RAMP1: variants seen among roughly 807,000 people sequenced by gnomAD.
RAMP1 encodes receptor activity-modifying protein 1.
Under a neutral mutation model 8.2 loss-of-function variants are expected in RAMP1, and 7 were observed. The ratio of observed to expected loss-of-function variants is 0.85; its 90% CI spans 0.49 to 1.60. The LOEUF (loss-of-function observed/expected upper bound fraction) is 1.60, where lower values mean the gene tolerates loss of function less well. Among genes scored for constraint, RAMP1 ranks in the 40% most tolerant of loss-of-function variants. RAMP1 has a pLI of 0.00. For synonymous variants in RAMP1, 92 were observed against 84.7 expected, an observed-to-expected ratio of 1.09 and a Z score of -0.47; for missense variants, 192 against 202.4, an observed-to-expected ratio of 0.95 and a Z score of 0.31.
chr2:237,905,036 T>C (rs925192206), intron 2 of RAMP1, among the ~76,000 whole-genome samples: 11 of 152,142 alleles, frequency 7.2e-5, no homozygotes, highest in African/African-American at 2.7e-4. Flanking sequence ...GGGCCTTGAC[T>C]TGGGACCCAG....
chr2:237,888,194 C>G (rs1451148773), intron 2 of RAMP1, among the ~76,000 whole-genome samples: 1 of 152,062 alleles, frequency 6.6e-6, no homozygotes, highest in Non-Finnish European at 1.5e-5. Flanking sequence ...GCTGGGATTA[C>G]AGGTGCCTGC....
intron 2 of RAMP1, among the ~76,000 whole-genome samples, chr2:237,905,103 G>A (rs1345038568): frequency 1.3e-5 from 2 of 152,196 alleles, no homozygotes; most frequent in Non-Finnish European, 2.9e-5. Flanking sequence ...AGTTTGCTTC[G>A]AGCCCCAGAA....
intron 2 of RAMP1, among the ~76,000 whole-genome samples, chr2:237,889,947 G>C (rs1053395652): frequency 6.6e-6 from 1 of 152,064 alleles, no homozygotes; most frequent in Admixed American, 6.6e-5. Flanking sequence ...CGAATAGTAG[G>C]AAAACTACCA....
rs1350322042 is a variant in RAMP1, at chr2:237,862,468, A to C, written c.52+2741A>C. The stretch of plus-strand genomic sequence containing the variant: ...TTTATATCCACAGTGCAAATGGTAG[A>C]TTCAGCTCCGGGAAATGTTTTAGGT... On this transcript the variant is annotated intron_variant, in intron 1 of 2. Coordinates refer to ENST00000254661, the MANE Select transcript of RAMP1 (RefSeq NM_005855.4). The surrounding 1 kb of genome is among the most constrained non-coding windows in gnomAD (Gnocchi z 4.0). Among the ~76,000 whole-genome samples, 1 of 152,204 alleles carries C rather than the reference A, an allele frequency of 6.6e-6. No individual in the cohort carries two copies. Among genetic ancestry groups the C allele is most frequent in the African/African-American group, 2.4e-5 (1 of 41,446 alleles).
chr2:237,861,595 C>A (rs1344067267), intron 1 of RAMP1, among the ~76,000 whole-genome samples: 3 of 152,130 alleles, frequency 2.0e-5, no homozygotes, highest in African/African-American at 7.2e-5. Flanking sequence ...CGCCTGTAAT[C>A]CCAGCACTTT....
intron 1 of RAMP1, among the ~76,000 whole-genome samples, chr2:237,867,739 T>TG (rs1173703316): frequency 6.6e-6 from 1 of 152,108 alleles, no homozygotes; most frequent in Non-Finnish European, 1.5e-5. Flanking sequence ...CAGTCTCAGG[T>TG]GTCTGTTGGC....
At chr2:237,883,336 G>C (rs1192387054) in intron 2 of RAMP1, among the ~76,000 whole-genome samples, 1 of 151,356 alleles carries the variant, frequency 6.6e-6, no homozygotes, top group Non-Finnish European at 1.5e-5. Flanking sequence ...GAGCGACGTA[G>C]ACAAAGGCGG....
rs1353376273 is a variant in RAMP1, at chr2:237,911,778, G to A, written c.442G>A (p.Val148Met). ...VWQSKRTEGIV is the reference protein window; with the variant it reads ...VWQSKRTEGIM ...GCAGAGCAAGCGCACTGAGGGCATT[G>A]TGTAGGCGGGGCCCAGGCTGCCCGC... The change falls in exon 3 of 3, where the codon GTG (valine) becomes ATG (methionine). Residue 148 changes from valine to methionine, a missense_variant. Coordinates refer to ENST00000254661, the MANE Select transcript of RAMP1 (RefSeq NM_005855.4). 4 of 1,603,704 alleles carry A rather than the reference G, an allele frequency of 2.5e-6. No homozygotes were observed. The highest frequency in any genetic ancestry group is 2.3e-5 in the East Asian group (1 of 44,430).
At chr2:237,904,712 T>G (rs899282046) in intron 2 of RAMP1, among the ~76,000 whole-genome samples, 1 of 152,212 alleles carries the variant, frequency 6.6e-6, no homozygotes, top group African/African-American at 2.4e-5. Context: ...TTTGCTTAAG[T>G]ATAAACTCAA....
intron 2 of RAMP1, among the ~76,000 whole-genome samples, chr2:237,905,721 G>C (rs1052248288): frequency 5.9e-5 from 9 of 152,138 alleles, no homozygotes; most frequent in African/African-American, 2.2e-4. Context: ...TTCAAAGCAG[G>C]CTTCATTGGT....
chr2:237,897,065 T>C (rs2062549706), intron 2 of RAMP1, among the ~76,000 whole-genome samples: 1 of 152,218 alleles, frequency 6.6e-6, no homozygotes, highest in Non-Finnish European at 1.5e-5. Context: ...CTCTTTTACA[T>C]GCCTGCAGCT....
chr2:237,859,790 G>T, intron 1 of RAMP1, 63 bp downstream of exon 1: 6 of 1,202,418 alleles, frequency 5.0e-6, no homozygotes, highest in Non-Finnish European at 5.6e-6. Context: ...TCCTCTAGGG[G>T]AGAGGAGGGG....
intron 1 of RAMP1, among the ~76,000 whole-genome samples, chr2:237,871,657 T>C (rs562042484): frequency 6.6e-6 from 1 of 152,206 alleles, no homozygotes; most frequent in African/African-American, 2.4e-5. Context: ...CGTCCCCAAC[T>C]CTCTTGGTCC....
rs140244902 is a variant in RAMP1, at chr2:237,895,886, C to T, written c.192-15642C>T. Reference sequence around the variant, plus strand: ...AATCCTGAGACTCGGACACATGTCACACCCATGTCCCCGTGAGGTGGGAAC... The same window carrying T: ...AATCCTGAGACTCGGACACATGTCATACCCATGTCCCCGTGAGGTGGGAAC... On this transcript the variant is annotated intron_variant, in intron 2 of 2. Transcript: ENST00000254661. 2.0e-3 allele frequency among the ~76,000 whole-genome samples: 308 copies of T among 152,294 alleles called. 2 individuals are homozygous for T. Among genetic ancestry groups the T allele is most frequent in the Non-Finnish European group, 3.7e-3 (249 of 68,010 alleles).
In RAMP1 at chr2:237,865,236, G is replaced by T. The variant is rs554042386; in HGVS notation, c.52+5509G>T. On this transcript the variant is annotated intron_variant, in intron 1 of 2. Transcript: ENST00000254661. This position sits in a 1 kb window ranked among gnomAD's most constrained non-coding sequence, Gnocchi z 4.2. Reference sequence around the variant, plus strand: ...ACAGCACCTGGCAGAGCTCCTGGGGGAGTAGGGAGGGCAGGGCAGGGGAGA... The same window carrying T: ...ACAGCACCTGGCAGAGCTCCTGGGGTAGTAGGGAGGGCAGGGCAGGGGAGA... 6.7e-6 allele frequency among the ~76,000 whole-genome samples: 1 copy of T among 149,030 alleles called. No individual in the cohort carries two copies. The highest frequency in any genetic ancestry group is 1.5e-5 in the Non-Finnish European group (1 of 67,182).
intron 1 of RAMP1, among the ~76,000 whole-genome samples, chr2:237,863,888 C>T (rs2062156177): frequency 2.0e-5 from 3 of 151,978 alleles, no homozygotes; most frequent in Admixed American, 6.5e-5. Context: ...CCCCGGCTGT[C>T]CACTGTGCCC....
intron 2 of RAMP1, among the ~76,000 whole-genome samples, chr2:237,894,708 A>G (rs1163989083): frequency 1.3e-5 from 2 of 152,202 alleles, no homozygotes; most frequent in Non-Finnish European, 2.9e-5. Context: ...GCACTGTGGC[A>G]GTTCCAAGGC....
chr2:237,892,441 G>A (rs898311664), intron 2 of RAMP1, among the ~76,000 whole-genome samples: 1 of 151,802 alleles, frequency 6.6e-6, no homozygotes, highest in Non-Finnish European at 1.5e-5. Flanking sequence ...TCTATTTTTT[G>A]TAGAGATGGG....
At chr2:237,904,901 A>C (rs141690021) in intron 2 of RAMP1, among the ~76,000 whole-genome samples, 66 of 152,310 alleles carry the variant, frequency 4.3e-4, no homozygotes, top group Non-Finnish European at 7.3e-4. Context: ...GATATTTCAT[A>C]TTAGGGCCAG....
Sources: allele counts gnomAD v4.1 joint callset (sites outside exome capture counted in the v4.1 genomes callset), GRCh38; gene constraint gnomAD v4.1.1; non-coding constraint Gnocchi (gnomAD v3.1); transcripts MANE v1.5; gene names NCBI Gene and HGNC (gene_info 2026-07-23, HGNC 2026-07-21).